The following CNTNAP2 variants were observed in gnomAD, a reference collection of about 807,000 sequenced individuals.
CNTNAP2 encodes contactin-associated protein-like 2.
Under a neutral mutation model 155.2 loss-of-function variants are expected in CNTNAP2, and 98 were observed. That is an observed-to-expected ratio of 0.63 (90% confidence interval 0.54 to 0.75). CNTNAP2 has a LOEUF of 0.75. Ranked by LOEUF, CNTNAP2 falls within the 30% of genes least tolerant of loss-of-function variation. The pLI is 0.00. For synonymous variants in CNTNAP2, 651 were observed against 631.2 expected (o/e 1.03, Z -0.47); for missense variants, 1,727 against 1,688.1 (o/e 1.02, Z -0.40).
intron 15 of CNTNAP2, among the ~76,000 whole-genome samples, chr7:148,094,589 CAG>C (rs1803922513): frequency 6.6e-6 from 1 of 152,126 alleles, no homozygotes; most frequent in South Asian, 2.1e-4. Context: ...GAAAAGATAA[CAG>C]AGGATGACTG....
At chr7:146,316,137 T>G (rs571331397) in intron 1 of CNTNAP2, among the ~76,000 whole-genome samples, 1 of 152,326 alleles carries the variant, frequency 6.6e-6, no homozygotes, top group Non-Finnish European at 1.5e-5. Flanking sequence ...ATTATTTTGT[T>G]TATCAAGTCA....
intron 15 of CNTNAP2, among the ~76,000 whole-genome samples, chr7:148,083,938 C>A (rs540638648): frequency 3.9e-5 from 6 of 152,188 alleles, no homozygotes; most frequent in South Asian, 2.1e-4. Flanking sequence ...CTTTCCTTAC[C>A]ATTTAAGCCA....
At position 147,276,224 on chromosome 7, in the gene CNTNAP2, A is replaced by AT. The variant is rs34167627; in HGVS notation, c.1349-23905dup. On this transcript the variant is annotated intron_variant, in intron 8 of 23. Coordinates refer to ENST00000361727, the MANE Select transcript of CNTNAP2 (RefSeq NM_014141.6). ...GTTAGGAAAGAATGCCTCCTCCTTA[A>AT]TTTTTTTTTTTTGGAATAGTTTCAA... 5.4e-3 allele frequency among the ~76,000 whole-genome samples: 803 copies of AT among 148,050 alleles called. 3 individuals carry two copies. Among genetic ancestry groups the AT allele is most frequent in the Non-Finnish European group, 7.3e-3 (484 of 66,520 alleles).
At chr7:148,091,905 A>C (rs1224080034) in intron 15 of CNTNAP2, among the ~76,000 whole-genome samples, 1 of 152,214 alleles carries the variant, frequency 6.6e-6, no homozygotes, top group African/African-American at 2.4e-5. Context: ...CAAGAGGCAC[A>C]GGATCCAGAT....
intron 3 of CNTNAP2, among the ~76,000 whole-genome samples, chr7:146,945,058 T>C (rs549727810): frequency 6.6e-6 from 1 of 152,300 alleles, no homozygotes; most frequent in African/African-American, 2.4e-5. Context: ...CACGTGATAA[T>C]AAACATATAA....
At chr7:146,277,805 G>C (rs1234464785) in intron 1 of CNTNAP2, among the ~76,000 whole-genome samples, 1 of 152,118 alleles carries the variant, frequency 6.6e-6, no homozygotes, top group Admixed American at 6.5e-5. Context: ...GGTCTGGCTA[G>C]AAATTTCATG....
At chr7:147,043,717 C>G (rs1799302713) in intron 3 of CNTNAP2, among the ~76,000 whole-genome samples, 190 bp from the exon 4 acceptor site, 1 of 152,190 alleles carries the variant, frequency 6.6e-6, no homozygotes, top group African/African-American at 2.4e-5. Context: ...AAAATCTGAC[C>G]TGTTTTCCAC....
At chr7:146,277,939 A>T (rs993339138) in intron 1 of CNTNAP2, among the ~76,000 whole-genome samples, 1 of 152,172 alleles carries the variant, frequency 6.6e-6, no homozygotes, top group Non-Finnish European at 1.5e-5. Flanking sequence ...AAAGAAAATA[A>T]AAAGAAAACT....
At chr7:147,794,404 A>T (rs1297905092) in intron 13 of CNTNAP2, among the ~76,000 whole-genome samples, 6 of 151,910 alleles carry the variant, frequency 3.9e-5, no homozygotes, top group Non-Finnish European at 8.8e-5. Context: ...GTATTTATTG[A>T]GATGTTCATA....
intron 1 of CNTNAP2, among the ~76,000 whole-genome samples, chr7:146,652,400 G>C (rs1799930158): frequency 6.6e-6 from 1 of 151,964 alleles, no homozygotes; most frequent in Admixed American, 6.6e-5. Flanking sequence ...TTGCGATGTG[G>C]GCACATTACC....
intron 10 of CNTNAP2, among the ~76,000 whole-genome samples, chr7:147,460,420 C>A (rs1295995877): frequency 6.6e-6 from 1 of 152,106 alleles, no homozygotes; most frequent in African/African-American, 2.4e-5. Flanking sequence ...CGCCCCCCTA[C>A]CTCCCATCAA....
intron 15 of CNTNAP2, among the ~76,000 whole-genome samples, chr7:148,021,744 C>G (rs1802282621): frequency 6.6e-6 from 1 of 152,152 alleles, no homozygotes; most frequent in Non-Finnish European, 1.5e-5. Context: ...AGTGCAGGAA[C>G]CCGGTGGCTC....
At chr7:148,152,635 C>T in intron 17 of CNTNAP2, among the ~76,000 whole-genome samples, 1 of 152,174 alleles carries the variant, frequency 6.6e-6, no homozygotes. Flanking sequence ...ATTCTAATCT[C>T]ATGGCCTTTC....
chr7:146,578,607 A>G (rs906682003), intron 1 of CNTNAP2, among the ~76,000 whole-genome samples: 2 of 152,170 alleles, frequency 1.3e-5, no homozygotes, highest in South Asian at 2.1e-4. Context: ...TTGAATAATT[A>G]CTATAAGTTG....
chr7:146,639,415 T>A (rs1585019206), intron 1 of CNTNAP2, among the ~76,000 whole-genome samples: 1 of 152,172 alleles, frequency 6.6e-6, no homozygotes, highest in East Asian at 1.9e-4. Flanking sequence ...ACAAGCATTA[T>A]CTCATCTCAT....
chr7:147,544,574 G>A (rs1799697633), intron 11 of CNTNAP2, among the ~76,000 whole-genome samples: 1 of 151,954 alleles, frequency 6.6e-6, no homozygotes. Context: ...CAGGGCCACA[G>A]CATGACTTTC....
At chr7:148,083,914 G>T (rs1251258785) in intron 15 of CNTNAP2, among the ~76,000 whole-genome samples, 1 of 152,056 alleles carries the variant, frequency 6.6e-6, no homozygotes, top group Non-Finnish European at 1.5e-5. Flanking sequence ...GAGGGAAAGA[G>T]AAAAAAATAC....
At chr7:147,368,428 C>G (rs1414404588) in intron 9 of CNTNAP2, among the ~76,000 whole-genome samples, 1 of 152,072 alleles carries the variant, frequency 6.6e-6, no homozygotes, top group Non-Finnish European at 1.5e-5. Context: ...TGCTTTAGCT[C>G]TTAAATAGTA....
At chr7:146,635,442 A>G (rs1387514792) in intron 1 of CNTNAP2, among the ~76,000 whole-genome samples, 1 of 152,164 alleles carries the variant, frequency 6.6e-6, no homozygotes. Flanking sequence ...TTGTGTGGAC[A>G]TTCTTAGGTG....
Sources: gnomAD v4.1 joint callset for allele counts (sites outside exome capture counted in the v4.1 genomes callset) on GRCh38, gnomAD v4.1.1 for gene constraint, MANE v1.5 for transcripts, NCBI Gene and HGNC (gene_info 2026-07-23, HGNC 2026-07-21) for gene names.